CHFR: variants seen among roughly 807,000 people sequenced by gnomAD.
CHFR encodes the protein checkpoint with forkhead and ring finger domains, also known as E3 ubiquitin-protein ligase CHFR.
CHFR carries 57 observed loss-of-function variants against 87.6 expected under a neutral mutation model. The observed-to-expected ratio is 0.65, with a 90% CI of 0.53 to 0.81. The LOEUF (loss-of-function observed/expected upper bound fraction) is 0.81, where lower values mean the gene tolerates loss of function less well. CHFR is among the 30% of genes least tolerant of loss of function. CHFR has a pLI of 0.00. For synonymous variants in CHFR, 381 were observed against 359.2 expected (o/e 1.06, Z -0.69); for missense variants, 797 against 865.8 (o/e 0.92, Z 1.00).
In CHFR at chr12:132,859,208, G is replaced by A. The variant is rs377318460; in HGVS notation, c.771C>T (p.Asn257=). Residue 257 remains asparagine (N), a synonymous_variant, in exon 8 of 18, where the codon AAC becomes AAT. Transcript: ENST00000450056. The part of the protein sequence containing the change: ...KMRGDGDLDL[N]GQLLVAQPRR... ...GCGGTTGTGCGACCAACAACTGCCCGTTCAGGTCAAGGTCCCCATCTACAG... is the reference window on the plus strand; with the variant it reads ...GCGGTTGTGCGACCAACAACTGCCCATTCAGGTCAAGGTCCCCATCTACAG... 16 of 1,613,196 alleles carry A rather than the reference G, an allele frequency of 9.9e-6. No individual in the cohort carries two copies. Among genetic ancestry groups the A allele is most frequent in the Admixed American group, 3.3e-5 (2 of 59,880 alleles).
chr12:132,881,196 T>G (rs61952827), intron 2 of CHFR, among the ~76,000 whole-genome samples: 22,700 of 149,956 alleles, frequency 0.15, 2,238 homozygotes, highest in Admixed American at 0.21. Flanking sequence ...GAGGTGGAGG[T>G]TGCAGTGAGC....
chr12:132,887,010 T>C (rs998072093), intron 2 of CHFR, among the ~76,000 whole-genome samples, 186 bp downstream of exon 2: 12 of 152,242 alleles, frequency 7.9e-5, no homozygotes, highest in African/African-American at 2.4e-4. Flanking sequence ...TAACGAAGGC[T>C]AAATGATGTG....
intron 11 of CHFR, 129 bp from the exon 12 acceptor site, chr12:132,851,866 C>T (rs1950954596): frequency 1.8e-6 from 2 of 1,110,478 alleles, no homozygotes; most frequent in African/African-American, 1.6e-5. Context: ...GCAGACCTGC[C>T]CTGCTAAACC....
At chr12:132,864,701 C>A (rs759386073) in intron 6 of CHFR, among the ~76,000 whole-genome samples, 2 of 152,146 alleles carry the variant, frequency 1.3e-5, no homozygotes, top group Non-Finnish European at 2.9e-5. Flanking sequence ...GTTGGCCAGG[C>A]TGGTCTTGAA....
chr12:132,887,344 C>T lies in CHFR; in HGVS notation c.-12-4G>A, dbSNP rs1239690293. On this transcript the variant is annotated splice_region_variant and splice_polypyrimidine_tract_variant and intron_variant, in intron 1 of 17. Transcript: ENST00000450056. Reference sequence around the variant, plus strand: ...GCCGCTCCATCGGGATTCACATCTGCGGAGACCCCGGAAACGCCCATGGAG... The same window carrying T: ...GCCGCTCCATCGGGATTCACATCTGTGGAGACCCCGGAAACGCCCATGGAG... 2.1e-6 allele frequency: 3 copies of T among 1,413,004 alleles called. No homozygotes were observed. Among genetic ancestry groups the T allele is most frequent in the Non-Finnish European group, 2.8e-6 (3 of 1,085,362 alleles). The allele number at this position is 1,413,004 out of a possible 1,614,324, so 87.5% of individuals were successfully genotyped here.
Position 132,857,539 on chromosome 12 carries a change from G to A in CHFR, c.932C>T (p.Thr311Met), listed in dbSNP as rs751498855. Residue 311 changes from threonine (T) to methionine (M), a missense_variant, in exon 9 of 18, where the codon ACG (threonine) becomes ATG (methionine). This residue lies in a region of CHFR where 597 missense variants were observed against 601.2 expected (regional missense o/e 0.99). Transcript: ENST00000450056. The stretch of plus-strand genomic sequence containing the variant: ...GCCCGAGTAGCAAGCCGCGCAGAAC[G>A]TGTGCATGCAGGGCTGCAAACTGAA... Reference protein sequence around the residue: ...DCVSLQPCMHTFCAACYSGWM... With the variant: ...DCVSLQPCMHMFCAACYSGWM... 9 of 1,614,142 alleles carry A rather than the reference G, an allele frequency of 5.6e-6. No homozygotes were observed. The highest frequency in any genetic ancestry group is 2.2e-5 in the East Asian group (1 of 44,892).
intron 2 of CHFR, among the ~76,000 whole-genome samples, chr12:132,879,074 G>A (rs186188885): frequency 3.1e-3 from 446 of 145,916 alleles, no homozygotes; most frequent in Middle Eastern, 7.3e-3. Flanking sequence ...GCACCATCTC[G>A]GCTCACCACA....
chr12:132,847,657 G>A (rs1377748469), intron 14 of CHFR: 11 of 1,093,164 alleles, frequency 1.0e-5, no homozygotes, highest in Non-Finnish European at 1.2e-5. Flanking sequence ...GAATGCGCAT[G>A]TTAAACATAT....
At chr12:132,865,061 C>A (rs1951304118) in intron 6 of CHFR, among the ~76,000 whole-genome samples, 1 of 152,234 alleles carries the variant, frequency 6.6e-6, no homozygotes, top group Non-Finnish European at 1.5e-5. Flanking sequence ...TCTAGGCAGA[C>A]AGTTCAAAAT....
intron 14 of CHFR, chr12:132,847,572 TG>T: frequency 9.4e-7 from 1 of 1,064,654 alleles, no homozygotes; most frequent in Non-Finnish European, 1.1e-6. Flanking sequence ...AGCGGGCGCC[TG>T]CCAGGTGTGT....
chr12:132,877,495 C>G, intron 3 of CHFR, 60 bp downstream of exon 3: 7 of 1,189,506 alleles, frequency 5.9e-6, no homozygotes, highest in Non-Finnish European at 8.5e-6. Context: ...GCACAGAGCA[C>G]GAAGTCAGGC....
chr12:132,860,206 C>T (rs1373407069), intron 7 of CHFR, among the ~76,000 whole-genome samples: 1 of 152,148 alleles, frequency 6.6e-6, no homozygotes, highest in Non-Finnish European at 1.5e-5. Context: ...TATCATGGTA[C>T]ATTTGATTTA....
chr12:132,858,582 G>A (rs902754224), intron 8 of CHFR, among the ~76,000 whole-genome samples: 9 of 151,464 alleles, frequency 5.9e-5, no homozygotes, highest in African/African-American at 1.7e-4. Flanking sequence ...AAAAAAATTA[G>A]CCGGGCATGG....
rs1415407421 is a variant in CHFR, at chr12:132,887,290, C to T, written c.39G>A (p.Pro13=). ...RPEEGKQSPP[P]QPWGRLLRLG... ...GACGCAGGAGCCGTCCCCAGGGCTG[C>T]GGCGGCGGCGACTGCTTGCCTTCCT... The change falls in exon 2 of 18, where the codon CCG becomes CCA. Residue 13 remains proline (P), a synonymous_variant. Transcript: ENST00000450056. 41 of 1,481,192 alleles carry T rather than the reference C, an allele frequency of 2.8e-5. No individual in the cohort carries two copies. The highest frequency in any genetic ancestry group is 3.6e-5 in the Non-Finnish European group (40 of 1,122,918). The allele number at this position is 1,481,192 out of a possible 1,614,324, so 91.8% of individuals were successfully genotyped here.
At chr12:132,879,727 G>C (rs1472367323) in intron 2 of CHFR, among the ~76,000 whole-genome samples, 2 of 152,174 alleles carry the variant, frequency 1.3e-5, no homozygotes, top group Non-Finnish European at 1.5e-5. Context: ...CTCAATACTT[G>C]CCCTCTCCTT....
chr12:132,884,415 CA>C (rs141613946), intron 2 of CHFR, among the ~76,000 whole-genome samples: 18 of 141,878 alleles, frequency 1.3e-4, no homozygotes, highest in African/African-American at 2.4e-4. Flanking sequence ...AACTCCGTCT[CA>C]AAAAAAAAAA....
Position 132,869,769 on chromosome 12 carries a change from C to A in CHFR, c.433G>T (p.Ala145Ser). 1 of 1,551,366 alleles carries A rather than the reference C, an allele frequency of 6.4e-7. No individual in the cohort carries two copies. Among genetic ancestry groups the A allele is most frequent in the East Asian group, 2.4e-5 (1 of 40,898 alleles). Residue 145 changes from alanine to serine, a missense_variant, in exon 6 of 18, where the codon GCC becomes TCC. This residue lies in a region of CHFR where 597 missense variants were observed against 601.2 expected (regional missense o/e 0.99). Coordinates refer to ENST00000450056, the MANE Select transcript of CHFR (RefSeq NM_001161346.2). ...GACGACGGAGGGACCCGGGGATCGG[C>A]CCCTCGCCCTGCACCTGCACCTGAG... ...DTSGAGAGRG[A>S]DPRVPPSSPA...
At chr12:132,850,518 C>T (rs934367834) in intron 12 of CHFR, among the ~76,000 whole-genome samples, 1 of 152,134 alleles carries the variant, frequency 6.6e-6, no homozygotes, top group Non-Finnish European at 1.5e-5. Context: ...CAGTGGCCAG[C>T]GCCTGCCGTG....
chr12:132,861,571 G>C lies in CHFR; in HGVS notation c.647C>G (p.Ser216Cys), dbSNP rs780945230. Residue 216 changes from serine to cysteine, a missense_variant, in exon 7 of 18, where the codon TCC becomes TGC. Physicochemically the swap from Ser to Cys is moderately radical, Grantham distance 112. Transcript: ENST00000450056. ...SGPSVASDEV[S>C]SFASALPDRK... ...GTCTGGGAGAGCTGAGGCAAAGCTG[G>C]AGACTTCATCACTTGCCACAGAGGG... 23 of 1,614,110 alleles carry C rather than the reference G, an allele frequency of 1.4e-5. No homozygotes were observed. In the South Asian group the frequency reaches 2.4e-4, roughly 17 times the overall value.
Sources: gnomAD v4.1 joint callset for allele counts (sites outside exome capture counted in the v4.1 genomes callset) on GRCh38, gnomAD v4.1.1 for gene constraint, gnomAD v4.1.1 regional missense constraint, MANE v1.5 for transcripts, NCBI Gene and HGNC (gene_info 2026-07-23, HGNC 2026-07-21) for gene names.